TK1: variants seen among roughly 807,000 people sequenced by gnomAD.
The protein encoded by TK1 is thymidine kinase 1.
TK1 carries 13 observed loss-of-function variants against 22.4 expected under a neutral mutation model. The observed-to-expected ratio is 0.58, with a 90% CI of 0.38 to 0.92. The LOEUF (loss-of-function observed/expected upper bound fraction) is 0.92. Ranked by LOEUF, TK1 falls within the 40% of genes least tolerant of loss-of-function variation. The pLI, the probability that TK1 is intolerant of heterozygous loss-of-function variation, is 0.00. For synonymous variants in TK1, 134 were observed against 125.4 expected (o/e 1.07, Z -0.46); for missense variants, 251 against 315.7 (o/e 0.80, Z 1.55).
chr17:78,186,953 G>T lies in TK1; in HGVS notation c.42C>A (p.Pro14=). The part of the protein sequence containing the change: ...INLPTVLPGS[P]SKTRGQIQVI... The stretch of plus-strand genomic sequence containing the variant: ...CCTGGATCTGCCCCCGGGTCTTGCT[G>T]GGGGAGCCAGGCAGCACAGTGGGCA... The change falls in exon 1 of 7, where the codon CCC becomes CCA. Residue 14 remains proline, a synonymous_variant. Coordinates refer to ENST00000301634, the MANE Select transcript of TK1 (RefSeq NM_003258.5). The T allele has an allele frequency of 1.3e-6, 2 of 1,574,134 alleles. No individual in the cohort carries two copies. The highest frequency in any genetic ancestry group is 1.7e-6 in the Non-Finnish European group (2 of 1,160,074).
intron 4 of TK1, among the ~76,000 whole-genome samples, chr17:78,178,794 G>A (rs898383639): frequency 2.0e-5 from 3 of 152,100 alleles, no homozygotes; most frequent in African/African-American, 4.8e-5. Context: ...ACAGGCATGC[G>A]CCACCACGCC....
chr17:78,178,779 G>A (rs978557841), intron 4 of TK1, among the ~76,000 whole-genome samples: 2 of 152,138 alleles, frequency 1.3e-5, no homozygotes, highest in African/African-American at 2.4e-5. Context: ...CAAGTAGCTG[G>A]GATTACAGGC....
At chr17:78,181,594 C>G (rs1275515904) in intron 4 of TK1, among the ~76,000 whole-genome samples, 1 of 151,440 alleles carries the variant, frequency 6.6e-6, no homozygotes, top group African/African-American at 2.4e-5. Flanking sequence ...TGCTGCCCAG[C>G]TTAAACTAGA....
chr17:78,185,090 G>A lies in TK1; in HGVS notation c.174C>T (p.Asp58=), dbSNP rs2075771736. ...YKCLVIKYAK[D]TRYSSSFCTH... is the part of the protein sequence containing the mutation. Reference sequence around the variant, plus strand: ...TGCAGAAGCTGCTGCTGTAGCGAGTGTCTTTGGCATACTTGATCACCAGGC... The same window carrying A: ...TGCAGAAGCTGCTGCTGTAGCGAGTATCTTTGGCATACTTGATCACCAGGC... Residue 58 remains aspartate (D), a synonymous_variant, in exon 3 of 7, where the codon GAC becomes GAT. Coordinates refer to ENST00000301634, the MANE Select transcript of TK1 (RefSeq NM_003258.5). The A allele has an allele frequency of 2.5e-6, 4 of 1,612,396 alleles. No homozygotes were observed. Among genetic ancestry groups the A allele is most frequent in the East Asian group, 4.5e-5 (2 of 44,864 alleles).
rs1342802467 is a variant in TK1, at chr17:78,186,773, C to A, written c.98+14G>T. ...AGAGGAAGGAGCTCCACCCCAGCCCCGCGAAGCCATTACCTTTTTCCTGAG... is the reference window on the plus strand; with the variant it reads ...AGAGGAAGGAGCTCCACCCCAGCCCAGCGAAGCCATTACCTTTTTCCTGAG... On this transcript the variant is annotated intron_variant, in intron 2 of 6. Coordinates refer to ENST00000301634, the MANE Select transcript of TK1 (RefSeq NM_003258.5). The A allele has an allele frequency of 2.5e-6, 4 of 1,580,818 alleles. No individual in the cohort carries two copies. The highest frequency in any genetic ancestry group is 3.4e-6 in the Non-Finnish European group (4 of 1,164,150).
intron 3 of TK1, among the ~76,000 whole-genome samples, chr17:78,183,094 C>T (rs959229474): frequency 2.6e-5 from 4 of 152,140 alleles, no homozygotes; most frequent in East Asian, 3.8e-4. Context: ...GTCTCAGACT[C>T]CTAACTTTTA....
chr17:78,175,126 A>C lies in TK1; in HGVS notation c.437T>G (p.Val146Gly). The change falls in exon 6 of 7, where the codon GTG (valine) becomes GGG (glycine). Residue 146 changes from valine (V) to glycine (G), a missense_variant. Transcript: ENST00000301634. ...ILNLVPLAESVVKLTAVCMEC... is the reference protein window; with the variant it reads ...ILNLVPLAESGVKLTAVCMEC... ...CATGCACACCGCCGTCAGCTTCACC[A>C]CGCTCTCGGCCAGCGGCACCAGGTT... is the stretch of plus-strand genomic sequence containing the variant. 6.2e-7 allele frequency: 1 copy of C among 1,612,826 alleles called. No individual in the cohort carries two copies. Among genetic ancestry groups the C allele is most frequent in the Non-Finnish European group, 8.5e-7 (1 of 1,179,828 alleles).
At chr17:78,176,714 C>T (rs933447729) in intron 4 of TK1, among the ~76,000 whole-genome samples, 7 of 152,184 alleles carry the variant, frequency 4.6e-5, no homozygotes, top group South Asian at 2.1e-4. Context: ...ACACCACCTG[C>T]GCCAGGGGCG....
At chr17:78,185,730 A>C (rs1457035153) in intron 2 of TK1, among the ~76,000 whole-genome samples, 1 of 152,008 alleles carries the variant, frequency 6.6e-6, no homozygotes, top group Non-Finnish European at 1.5e-5. Flanking sequence ...GGGTTTTACC[A>C]CGTTGACCAG....
chr17:78,186,132 G>C (rs1567836381), intron 2 of TK1, among the ~76,000 whole-genome samples: 1 of 144,478 alleles, frequency 6.9e-6, no homozygotes, highest in African/African-American at 2.5e-5. Context: ...TGGAGGCGGG[G>C]GGGTGCACGC....
At chr17:78,186,435 A>G (rs977421790) in intron 2 of TK1, among the ~76,000 whole-genome samples, 1 of 151,940 alleles carries the variant, frequency 6.6e-6, no homozygotes, top group Non-Finnish European at 1.5e-5. Flanking sequence ...GGGTGTACAA[A>G]AAGGCCTGGC....
At position 78,174,869 on chromosome 17, in the gene TK1, C is replaced by G; in HGVS notation, c.595G>C (p.Gly199Arg). The change falls in exon 7 of 7, where the codon GGG (glycine) becomes CGG (arginine). Residue 199 changes from glycine to arginine, a missense_variant. Physicochemically the swap from Gly to Arg is moderately radical, Grantham distance 125. Coordinates refer to ENST00000301634, the MANE Select transcript of TK1 (RefSeq NM_003258.5). ...GGGCAGTTCTCTTTGTTGTCCGGCC[C>G]GGCAGGCTGGCCTGAGGCCTTCTTG... ...YFKKASGQPA[G>R]PDNKENCPVP... is the part of the protein sequence containing the mutation. The G allele has an allele frequency of 1.2e-6, 2 of 1,613,814 alleles. No homozygotes were observed. Among genetic ancestry groups the G allele is most frequent in the Non-Finnish European group, 1.7e-6 (2 of 1,179,836 alleles).
chr17:78,178,607 G>C (rs2075717442), intron 4 of TK1, among the ~76,000 whole-genome samples: 1 of 152,156 alleles, frequency 6.6e-6, no homozygotes, highest in Non-Finnish European at 1.5e-5. Flanking sequence ...CCTCGATCTA[G>C]AACTGCTTGC....
At position 78,184,097 on chromosome 17, in the gene TK1, C is replaced by T. The variant is rs140563509; in HGVS notation, c.209+958G>A. ...TAACACCACCCTGTGCCGTGGACAT[C>T]GCATCTTAGGAATGAGGAAGCAAAT... On this transcript the variant is annotated intron_variant, in intron 3 of 6. Transcript: ENST00000301634. 1.0e-3 allele frequency among the ~76,000 whole-genome samples: 153 copies of T among 152,344 alleles called. 1 individual carries two copies. Among genetic ancestry groups the T allele is most frequent in the African/African-American group, 3.6e-3 (150 of 41,580 alleles).
At chr17:78,180,862 G>C (rs2075733019) in intron 4 of TK1, among the ~76,000 whole-genome samples, 2 of 152,216 alleles carry the variant, frequency 1.3e-5, no homozygotes, top group Non-Finnish European at 2.9e-5. Flanking sequence ...TGCTGAGAGA[G>C]AACAGATAGA....
rs780007249 is a variant in TK1, at chr17:78,186,964, G to A, written c.31C>T (p.Pro11Ser). Reference sequence around the variant, plus strand: ...CCCCGGGTCTTGCTGGGGGAGCCAGGCAGCACAGTGGGCAGGTTAATGCAG... The same window carrying A: ...CCCCGGGTCTTGCTGGGGGAGCCAGACAGCACAGTGGGCAGGTTAATGCAG... Reference protein sequence around the residue: MSCINLPTVLPGSPSKTRGQI... With the variant: MSCINLPTVLSGSPSKTRGQI... Residue 11 changes from proline (P) to serine (S), a missense_variant, in exon 1 of 7, where the codon CCT becomes TCT. Physicochemically the swap from Pro to Ser is moderately conservative, Grantham distance 74. Coordinates refer to ENST00000301634, the MANE Select transcript of TK1 (RefSeq NM_003258.5). The A allele has an allele frequency of 1.9e-6, 3 of 1,577,408 alleles. No individual in the cohort carries two copies. The Admixed American group carries it at 5.5e-5, about 29-fold the overall frequency.
chr17:78,184,603 G>A (rs2075766801), intron 3 of TK1, among the ~76,000 whole-genome samples: 1 of 152,106 alleles, frequency 6.6e-6, no homozygotes, highest in South Asian at 2.1e-4. Context: ...AAAAATCAAC[G>A]TGCAGGCCAA....
In TK1 at chr17:78,186,721, AGGGAC is replaced by A. The variant is rs1555603177; in HGVS notation, c.98+61_98+65del. 1.1e-5 allele frequency: 14 copies of A among 1,233,280 alleles called. No individual in the cohort carries two copies. The African/African-American group carries it at 1.8e-4, about 15-fold the overall frequency. The allele number at this position is 1,233,280 out of a possible 1,614,324, so 76.4% of individuals were successfully genotyped here. Reference sequence around the variant, plus strand: ...AGGGGAGGGGAGGGAAGGGGAGGGGAGGGACGGGACAAGGGGTCCCCGGAGAAGAG... The same window carrying A: ...AGGGGAGGGGAGGGAAGGGGAGGGGAGGGACAAGGGGTCCCCGGAGAAGAG... On this transcript the variant is annotated intron_variant, in intron 2 of 6. Coordinates refer to ENST00000301634, the MANE Select transcript of TK1 (RefSeq NM_003258.5).
chr17:78,185,380 T>C (rs2075775037), intron 2 of TK1, among the ~76,000 whole-genome samples: 1 of 152,078 alleles, frequency 6.6e-6, no homozygotes, highest in Admixed American at 6.6e-5. Flanking sequence ...CCAGGAATGG[T>C]ACTCAGGTGG....
Sources: allele counts gnomAD v4.1 joint callset (sites outside exome capture counted in the v4.1 genomes callset), GRCh38; gene constraint gnomAD v4.1.1; transcripts MANE v1.5; gene names NCBI Gene and HGNC (gene_info 2026-07-23, HGNC 2026-07-21).